The following UNC5D variants were observed in gnomAD, a reference collection of about 807,000 sequenced individuals.
UNC5D encodes the protein netrin receptor UNC5D.
A neutral mutation model predicts 105.4 loss-of-function variants in UNC5D; 39 were observed. The ratio of observed to expected loss-of-function variants is 0.37; its 90% confidence interval spans 0.29 to 0.48. UNC5D has a LOEUF of 0.48. Ranked by LOEUF, UNC5D falls within the 20% of genes least tolerant of loss-of-function variation. The probability of loss-of-function intolerance (pLI) is 0.98; values close to 1 mark genes in which losing one functional copy is unlikely to be tolerated. For missense variants in UNC5D, 991 were observed against 1,202.4 expected (o/e 0.82, Z 2.60); for synonymous variants, 452 against 450.4 (o/e 1.00, Z -0.04).
At chr8:35,409,090 T>C (rs1007984785) in intron 1 of UNC5D, among the ~76,000 whole-genome samples, 1 of 152,136 alleles carries the variant, frequency 6.6e-6, no homozygotes, top group Non-Finnish European at 1.5e-5. Flanking sequence ...CCTTGTTGTA[T>C]GAGTCAATAA....
chr8:35,399,145 CAAAAAA>C (rs1029547730), intron 1 of UNC5D, among the ~76,000 whole-genome samples: 7 of 54,700 alleles, frequency 1.3e-4, no homozygotes, highest in Non-Finnish European at 2.2e-4. Flanking sequence ...ACTCCATCTC[CAAAAAA>C]AAAAAAAAAA....
intron 10 of UNC5D, 83 bp downstream of exon 10, chr8:35,726,612 T>A: frequency 6.5e-7 from 1 of 1,550,296 alleles, no homozygotes; most frequent in South Asian, 1.2e-5. Flanking sequence ...AGATTCATTT[T>A]ATGATGTTTA....
rs966264851 is a variant in UNC5D, at chr8:35,477,346, C to CT, written c.104-71936dup. ...ATAGTATTTTATTTTTCTCTTTTGT[C>CT]TTTTTTTTTTGTTTGGTCTTTCTTA... On this transcript the variant is annotated intron_variant, in intron 1 of 16. Transcript: ENST00000404895. Among the ~76,000 whole-genome samples the CT allele has an allele frequency of 6.7e-4, 98 of 147,126 alleles. 1 individual carries two copies. The highest frequency in any genetic ancestry group is 1.9e-3 in the African/African-American group (78 of 40,290).
rs780845983 is a variant in UNC5D at position 35,792,258 on chromosome 8, G to A, written c.*1695G>A. On this transcript the variant is annotated 3_prime_UTR_variant, in exon 17 of 17. Coordinates refer to ENST00000404895, the MANE Select transcript of UNC5D (RefSeq NM_080872.4). ...TGCCAAGTGAAAAAGGCCTAAAGATGAGTTGAATTTGTGATACCATGGGTA... is the reference window on the plus strand; with the variant it reads ...TGCCAAGTGAAAAAGGCCTAAAGATAAGTTGAATTTGTGATACCATGGGTA... The A allele has an allele frequency of 1.3e-5, 2 of 152,058 alleles. No homozygotes were observed. The highest frequency in any genetic ancestry group is 2.9e-5 in the Non-Finnish European group (2 of 68,010). The allele number at this position is 152,058 out of a possible 1,614,324, so 9.4% of individuals were successfully genotyped here.
At chr8:35,515,922 C>T (rs940926901) in intron 1 of UNC5D, among the ~76,000 whole-genome samples, 7 of 152,108 alleles carry the variant, frequency 4.6e-5, no homozygotes, top group African/African-American at 1.2e-4. Flanking sequence ...GACTGGCATT[C>T]GTGTCCCTGG....
intron 1 of UNC5D, among the ~76,000 whole-genome samples, chr8:35,303,477 TA>T (rs1442797162): frequency 6.6e-6 from 1 of 152,182 alleles, no homozygotes; most frequent in Non-Finnish European, 1.5e-5. Flanking sequence ...TTTAGATAAT[TA>T]GAATTAATTA....
rs10715369 is a variant in UNC5D at position 35,365,591 on chromosome 8, C to CAAAAAAAAAAAA, written c.103+129719_103+129730dup. On this transcript the variant is annotated intron_variant, in intron 1 of 16. Coordinates refer to ENST00000404895, the MANE Select transcript of UNC5D (RefSeq NM_080872.4). Reference sequence around the variant, plus strand: ...TCTTAGGCTTTCATGCCATCCCCTGCAAAAAAAAAAAAAAAAAAAAAAAAA... The same window carrying CAAAAAAAAAAAA: ...TCTTAGGCTTTCATGCCATCCCCTGCAAAAAAAAAAAAAAAAAAAAAAAAAAAAAAAAAAAAA... Among the ~76,000 whole-genome samples, 17 of 49,884 alleles carry CAAAAAAAAAAAA rather than the reference C, an allele frequency of 3.4e-4. 1 individual carries two copies. Among genetic ancestry groups the CAAAAAAAAAAAA allele is most frequent in the African/African-American group, 1.4e-3 (17 of 12,392 alleles). The allele number at this position is 49,884 out of a possible 152,430, so 32.7% of individuals were successfully genotyped here.
At chr8:35,289,215 A>G (rs1391279656) in intron 1 of UNC5D, among the ~76,000 whole-genome samples, 2 of 152,216 alleles carry the variant, frequency 1.3e-5, no homozygotes, top group Non-Finnish European at 2.9e-5. Flanking sequence ...ACCAACTTAC[A>G]TTAGACAAAA....
intron 3 of UNC5D, among the ~76,000 whole-genome samples, chr8:35,576,013 G>C (rs1388693840): frequency 6.6e-6 from 1 of 152,156 alleles, no homozygotes; most frequent in African/African-American, 2.4e-5. Flanking sequence ...GGGCACATAG[G>C]TACTGTTTTC....
intron 1 of UNC5D, among the ~76,000 whole-genome samples, chr8:35,287,967 G>C (rs1051181157): frequency 1.3e-5 from 2 of 151,944 alleles, no homozygotes; most frequent in Non-Finnish European, 2.9e-5. Flanking sequence ...GAAAATTATA[G>C]AACACCAGTA....
intron 1 of UNC5D, among the ~76,000 whole-genome samples, chr8:35,458,698 A>AGTTTTTGTTT (rs1808665319): frequency 6.6e-6 from 1 of 152,184 alleles, no homozygotes; most frequent in South Asian, 2.1e-4. Context: ...TATCAATGAA[A>AGTTTTTGTTT]CAAAAACCAT....
chr8:35,649,153 G>A lies in UNC5D; in HGVS notation c.571-34394G>A, dbSNP rs559736106. On this transcript the variant is annotated intron_variant, in intron 4 of 16. Coordinates refer to ENST00000404895, the MANE Select transcript of UNC5D (RefSeq NM_080872.4). The stretch of plus-strand genomic sequence containing the variant: ...ACATTAGATTTCTAGAATCGTTGAA[G>A]GAGAATATTTCTGGAATGGAAGAAA... 1.7e-4 allele frequency among the ~76,000 whole-genome samples: 26 copies of A among 152,288 alleles called. No homozygotes were observed. In the East Asian group the frequency reaches 4.6e-3, roughly 27 times the overall value.
chr8:35,374,482 G>A (rs192951643), intron 1 of UNC5D, among the ~76,000 whole-genome samples: 35 of 152,314 alleles, frequency 2.3e-4, no homozygotes, highest in African/African-American at 7.9e-4. Context: ...TTTTGTTTAT[G>A]AAGAATAGAC....
chr8:35,349,831 AG>A (rs947293113), intron 1 of UNC5D, among the ~76,000 whole-genome samples: 23 of 152,134 alleles, frequency 1.5e-4, no homozygotes, highest in African/African-American at 4.3e-4. Flanking sequence ...TAATAAAATT[AG>A]TGACTTTTAA....
chr8:35,305,466 G>C (rs565830845), intron 1 of UNC5D, among the ~76,000 whole-genome samples: 16 of 152,092 alleles, frequency 1.1e-4, no homozygotes, highest in African/African-American at 3.9e-4. Flanking sequence ...AGGAAGCCTG[G>C]GTTTTTAGTA....
intron 4 of UNC5D, among the ~76,000 whole-genome samples, chr8:35,628,975 C>CTTACTTATTTT (rs1383252211): frequency 3.4e-4 from 51 of 152,236 alleles, no homozygotes; most frequent in African/African-American, 1.1e-3. Flanking sequence ...AGTCAAATTC[C>CTTACTTATTTT]TCTCTGGTGC....
chr8:35,464,306 G>A (rs1042033199), intron 1 of UNC5D, among the ~76,000 whole-genome samples: 6 of 151,994 alleles, frequency 3.9e-5, no homozygotes, highest in South Asian at 2.1e-4. Context: ...CAGCCTGGGC[G>A]ACAAGAGTGA....
In UNC5D at chr8:35,759,244, T is replaced by G. The variant is rs546053463; in HGVS notation, c.2164-76T>G. 3.2e-4 allele frequency: 497 copies of G among 1,535,054 alleles called. 6 individuals carry two copies. In the South Asian group the frequency reaches 4.5e-3, roughly 14 times the overall value. On this transcript the variant is annotated intron_variant, in intron 13 of 16. Transcript: ENST00000404895. ...TGGAAGACACATGGTAGTGAGCATG[T>G]GTATCCCTAGATAGGAAATATGTAA... is the stretch of plus-strand genomic sequence containing the variant.
intron 3 of UNC5D, among the ~76,000 whole-genome samples, chr8:35,591,625 G>A (rs1819180919): frequency 6.6e-6 from 1 of 151,738 alleles, no homozygotes; most frequent in Admixed American, 6.6e-5. Context: ...TCTCCACTTT[G>A]TCATTCATTT....
Sources: allele counts gnomAD v4.1 joint callset (sites outside exome capture counted in the v4.1 genomes callset), GRCh38; gene constraint gnomAD v4.1.1; transcripts MANE v1.5; gene names NCBI Gene and HGNC (gene_info 2026-07-23, HGNC 2026-07-21).